Variants in CELF2 observed in about 807,000 individuals in gnomAD.
CELF2 encodes CUG triplet repeat RNA-binding protein 2.
In CELF2, 8 loss-of-function variants were observed where a neutral mutation model predicts 62.6. The observed-to-expected ratio is 0.13, with a 90% CI of 0.07 to 0.23. The LOEUF (loss-of-function observed/expected upper bound fraction) is 0.23. Ranked by LOEUF, CELF2 falls within the 10% of genes least tolerant of loss-of-function variation. The pLI is 1.00. For missense variants in CELF2, 333 were observed against 671.0 expected, an observed-to-expected ratio of 0.50 and a Z score of 5.56; for synonymous variants, 258 against 250.0, an observed-to-expected ratio of 1.03 and a Z score of -0.30.
At chr10:10,944,598 T>C (rs560125603) in intron 2 of CELF2, among the ~76,000 whole-genome samples, 1 of 151,988 alleles carries the variant, frequency 6.6e-6, no homozygotes, top group Admixed American at 6.5e-5. Context: ...AGGGAGGATT[T>C]TTTTTTCTTT....
At chr10:11,017,862 C>T (rs1000152142), upstream of CELF2, 7 of 806,358 alleles carry the variant, frequency 8.7e-6, no homozygotes, top group Non-Finnish European at 9.0e-6. This position sits in a 1 kb window ranked among gnomAD's most constrained non-coding sequence, Gnocchi z 5.5. Flanking sequence ...GCGGGCGCCC[C>T]GCGAGCTCCG....
intron 9 of CELF2, among the ~76,000 whole-genome samples, chr10:11,293,791 TTG>T (rs1285928128): frequency 4.0e-5 from 6 of 151,638 alleles, no homozygotes; most frequent in Non-Finnish European, 7.4e-5. Context: ...CCCTCAAGTG[TTG>T]TTTGTTTTTT....
Position 11,243,336 on chromosome 10 carries a change from G to A in CELF2, c.355-5817G>A, listed in dbSNP as rs2074574013. On this transcript the variant is annotated intron_variant, in intron 3 of 12. Coordinates refer to ENST00000633077, the MANE Select transcript of CELF2 (RefSeq NM_001326342.2). The surrounding 1 kb of genome is among the most constrained non-coding windows in gnomAD (Gnocchi z 4.1). ...AGAAGTTAACCATGTACCTTAACGT[G>A]CGGCTTTAGGCAAAATGTTATTCAA... Among the ~76,000 whole-genome samples the A allele has an allele frequency of 6.7e-6, 1 of 148,580 alleles. No homozygotes were observed. The highest frequency in any genetic ancestry group is 6.7e-5 in the Admixed American group (1 of 14,942).
chr10:10,886,517 G>A (rs1381739843), intron 1 of CELF2, among the ~76,000 whole-genome samples: 7 of 152,108 alleles, frequency 4.6e-5, no homozygotes, highest in South Asian at 2.1e-4. Flanking sequence ...ACAACTGAAC[G>A]AGAGCCTGAA....
At chr10:11,301,673 G>C (rs909044556) in intron 9 of CELF2, among the ~76,000 whole-genome samples, 3 of 150,614 alleles carry the variant, frequency 2.0e-5, no homozygotes, top group Admixed American at 6.6e-5. Context: ...CTGCTTCTGA[G>C]CTGCATCAGA....
rs1459614126 is a variant in CELF2 at position 11,300,364 on chromosome 10, C to T, written c.976+11812C>T. On this transcript the variant is annotated intron_variant, in intron 9 of 12. Coordinates refer to ENST00000633077, the MANE Select transcript of CELF2 (RefSeq NM_001326342.2). The surrounding 1 kb of genome is among the most constrained non-coding windows in gnomAD (Gnocchi z 5.5). ...TGAGAACCAGTAGTGATGACTCTTG[C>T]CCAGCACTGCACCAAGCCAGGTGGC... Among the ~76,000 whole-genome samples the T allele has an allele frequency of 6.6e-6, 1 of 152,190 alleles. No homozygotes were observed. Among genetic ancestry groups the T allele is most frequent in the East Asian group, 1.9e-4 (1 of 5,188 alleles).
chr10:10,856,368 A>AT (rs1291817397), intron 1 of CELF2, among the ~76,000 whole-genome samples: 1 of 152,168 alleles, frequency 6.6e-6, no homozygotes, highest in African/African-American at 2.4e-5. Context: ...ATTTTAAAAA[A>AT]TGTTTGATCT....
At chr10:10,515,683 G>T in the CELF2 span, among the ~76,000 whole-genome samples, 4 of 152,276 alleles carry the variant, frequency 2.6e-5, no homozygotes, top group South Asian at 8.3e-4. Context: ...AGGTCACAGT[G>T]CAAGACAAGC....
At position 11,197,028 on chromosome 10, in the gene CELF2, A is replaced by AAAGAAAGAAAGAAAGAAG. The variant is rs1565231131; in HGVS notation, c.272-20397_272-20396insAAGAAAGAAAGAAAGAAG. ...AGAAAGAAAGAAAGAAAGAAAGAAA[A>AAAGAAAGAAAGAAAGAAG]GAAAGAAAGAAAGAAAGAAAGAAAG... On this transcript the variant is annotated intron_variant, in intron 2 of 12. Transcript: ENST00000633077. Among the ~76,000 whole-genome samples, 10 of 20,968 alleles carry AAAGAAAGAAAGAAAGAAG rather than the reference A, an allele frequency of 4.8e-4. 1 individual carries two copies. The highest frequency in any genetic ancestry group is 3.9e-3 in the African/African-American group (10 of 2,578). The allele number at this position is 20,968 out of a possible 152,430, so 13.8% of individuals were successfully genotyped here. A position where few individuals can be genotyped will look rare whatever the true frequency, so the allele number is the denominator to read the frequency against.
At position 11,330,896 on chromosome 10, in the gene CELF2, G is replaced by GTCT. The variant is rs2132910434; in HGVS notation, c.*1844_*1846dup. The GTCT allele has an allele frequency of 6.6e-6, 1 of 152,512 alleles. No homozygotes were observed. The highest frequency in any genetic ancestry group is 1.9e-4 in the East Asian group (1 of 5,198). 9.4% of individuals were successfully genotyped at this position (152,512 alleles called of 1,614,324 possible). A position where few individuals can be genotyped will look rare whatever the true frequency, so the allele number is the denominator to read the frequency against. On this transcript the variant is annotated 3_prime_UTR_variant, in exon 13 of 13. Transcript: ENST00000633077. This position sits in a 1 kb window ranked among gnomAD's most constrained non-coding sequence, Gnocchi z 4.5. ...CCAAAAACAGTTTGAGAAAAAAACT[G>GTCT]TCTGATTTTAAGTCTCTAGAGGTCT...
the CELF2 span, among the ~76,000 whole-genome samples, chr10:10,521,937 A>C: frequency 1.1e-3 from 161 of 152,288 alleles, no homozygotes; most frequent in African/African-American, 3.7e-3. Flanking sequence ...ATGAGGACGG[A>C]ATGAATGGGG....
chr10:10,937,788 T>C lies in CELF2; in HGVS notation c.89+17789T>C, dbSNP rs1319489947. Among the ~76,000 whole-genome samples the C allele has an allele frequency of 5.3e-5, 8 of 152,196 alleles. No individual in the cohort carries two copies. In the East Asian group the frequency reaches 1.3e-3, roughly 26 times the overall value. On this transcript the variant is annotated intron_variant, in intron 2 of 13. Coordinates refer to the CELF2 transcript ENST00000636488. Reference sequence around the variant, plus strand: ...AGTTCCTAGATGTTCTCATTCTGTATCAGTGGCTGTAGACAGTGTAAGTCT... The same window carrying C: ...AGTTCCTAGATGTTCTCATTCTGTACCAGTGGCTGTAGACAGTGTAAGTCT...
the CELF2 span, among the ~76,000 whole-genome samples, chr10:10,632,144 G>T: frequency 3.6e-3 from 544 of 152,248 alleles, 3 homozygotes; most frequent in African/African-American, 0.013. Context: ...TTAGGCTATA[G>T]TCTCATCACT....
At chr10:11,303,335 C>A (rs765783634) in intron 9 of CELF2, among the ~76,000 whole-genome samples, 1 of 152,232 alleles carries the variant, frequency 6.6e-6, no homozygotes, top group East Asian at 1.9e-4. Flanking sequence ...ACTATACACA[C>A]AGACTGACCT....
At chr10:11,299,827 G>A (rs888428433) in intron 9 of CELF2, among the ~76,000 whole-genome samples, 4 of 143,474 alleles carry the variant, frequency 2.8e-5, no homozygotes, top group South Asian at 2.2e-4. Flanking sequence ...TTTTTTTTTC[G>A]GTCCTTCTCC....
upstream of CELF2, among the ~76,000 whole-genome samples, chr10:11,002,531 A>C (rs1253341239): frequency 3.9e-5 from 6 of 152,186 alleles, no homozygotes; most frequent in Admixed American, 1.3e-4. This position sits in a 1 kb window ranked among gnomAD's most constrained non-coding sequence, Gnocchi z 4.4. Flanking sequence ...TGTCGTAGAA[A>C]GGGGCAGGCC....
the CELF2 span, among the ~76,000 whole-genome samples, chr10:10,556,095 A>G: frequency 6.6e-6 from 1 of 152,112 alleles, no homozygotes; most frequent in South Asian, 2.1e-4. Context: ...GGTTAGTTAC[A>G]TATGTATACA....
intron 2 of CELF2, among the ~76,000 whole-genome samples, chr10:11,210,436 A>AT: frequency 6.6e-6 from 1 of 152,292 alleles, no homozygotes; most frequent in Non-Finnish European, 1.5e-5. Flanking sequence ...AATACTTTTT[A>AT]TTTGACCAGC....
chr10:10,668,286 T>C, the CELF2 span, among the ~76,000 whole-genome samples: 1 of 152,172 alleles, frequency 6.6e-6, no homozygotes, highest in African/African-American at 2.4e-5. Flanking sequence ...CTTTTAATCT[T>C]CCCTCCCACT....
Sources: allele counts gnomAD v4.1 joint callset (sites outside exome capture counted in the v4.1 genomes callset), GRCh38; gene constraint gnomAD v4.1.1; non-coding constraint Gnocchi (gnomAD v3.1); transcripts MANE v1.5; gene names NCBI Gene and HGNC (gene_info 2026-07-23, HGNC 2026-07-21).